The following TSPAN9 variants were observed in gnomAD, a reference collection of about 807,000 sequenced individuals.
TSPAN9 encodes the protein tetraspanin 9.
Under a neutral mutation model 31.0 loss-of-function variants are expected in TSPAN9, and 16 were observed. The ratio of observed to expected loss-of-function variants is 0.52; its 90% CI spans 0.35 to 0.78. TSPAN9 has a LOEUF of 0.78. Among genes scored for constraint, TSPAN9 ranks in the 30% least tolerant of loss-of-function variants. The probability of loss-of-function intolerance (pLI) is 0.01; values close to 1 mark genes in which losing one functional copy is unlikely to be tolerated. For missense variants in TSPAN9, 272 were observed against 312.5 expected (o/e 0.87, Z 0.98); for synonymous variants, 145 against 121.6 (o/e 1.19, Z -1.27).
At chr12:3,275,826 C>G (rs1277628267) in intron 3 of TSPAN9, among the ~76,000 whole-genome samples, 3 of 152,140 alleles carry the variant, frequency 2.0e-5, no homozygotes, top group Admixed American at 2.0e-4. Flanking sequence ...GTAAATCATT[C>G]GGACCCCCCT....
intron 2 of TSPAN9, among the ~76,000 whole-genome samples, chr12:3,124,036 G>A (rs748162628): frequency 2.0e-5 from 3 of 152,188 alleles, no homozygotes; most frequent in Non-Finnish European, 4.4e-5. Context: ...TGTGGTTGGT[G>A]CTAGCAGTGG....
chr12:3,098,732 T>G (rs1258251252), intron 2 of TSPAN9, among the ~76,000 whole-genome samples: 1 of 151,930 alleles, frequency 6.6e-6, no homozygotes, highest in Admixed American at 6.6e-5. Context: ...GGATATGGCA[T>G]TGTTTTTTTT....
At chr12:3,221,306 C>CAACAGTTT (rs1238352673) in intron 3 of TSPAN9, among the ~76,000 whole-genome samples, 1 of 151,232 alleles carries the variant, frequency 6.6e-6, no homozygotes, top group Non-Finnish European at 1.5e-5. Flanking sequence ...CAACATATTA[C>CAACAGTTT]AACAGTTTAT....
chr12:3,254,320 G>C (rs586841), intron 3 of TSPAN9, among the ~76,000 whole-genome samples: 59,336 of 151,970 alleles, frequency 0.39, 11,889 homozygotes, highest in East Asian at 0.59. Flanking sequence ...CTCATCCCTG[G>C]CCCCTGCCCC....
At chr12:3,078,109 C>T (rs987034440) in intron 1 of TSPAN9, among the ~76,000 whole-genome samples, 2 of 152,194 alleles carry the variant, frequency 1.3e-5, no homozygotes, top group African/African-American at 2.4e-5. Flanking sequence ...TGGATCTCCT[C>T]CCTCTTTGAA....
intron 2 of TSPAN9, among the ~76,000 whole-genome samples, chr12:3,105,726 G>T (rs1304464473): frequency 6.8e-6 from 1 of 147,302 alleles, no homozygotes; most frequent in African/African-American, 2.4e-5. Flanking sequence ...TGCTTTGTGT[G>T]CACGCGCGTG....
intron 3 of TSPAN9, among the ~76,000 whole-genome samples, chr12:3,227,665 G>C (rs541418063): frequency 7.6e-4 from 115 of 152,254 alleles, no homozygotes; most frequent in African/African-American, 2.7e-3. Flanking sequence ...CTTCTCACAC[G>C]GACTCACACT....
chr12:3,232,344 G>T (rs10848835), intron 3 of TSPAN9, among the ~76,000 whole-genome samples: 1 of 151,728 alleles, frequency 6.6e-6, no homozygotes. Context: ...TATGAAACCA[G>T]TTTAATTTTT....
chr12:3,200,788 G>GCC (rs2098371085), intron 2 of TSPAN9: 1 of 158,418 alleles, frequency 6.3e-6, no homozygotes, highest in African/African-American at 2.4e-5. Context: ...CCGCGAGTGA[G>GCC]CCCCTGTGCA....
intron 3 of TSPAN9, among the ~76,000 whole-genome samples, chr12:3,247,032 A>T (rs1029468912): frequency 6.6e-6 from 1 of 152,072 alleles, no homozygotes; most frequent in Non-Finnish European, 1.5e-5. Context: ...GGTGGAAGGG[A>T]GGGTGCCTGT....
intron 2 of TSPAN9, among the ~76,000 whole-genome samples, chr12:3,180,885 G>A (rs930830513): frequency 8.5e-5 from 13 of 152,262 alleles, no homozygotes; most frequent in African/African-American, 3.1e-4. Context: ...GTGAATCCAC[G>A]AAGTTATTCT....
At chr12:3,276,487 C>G (rs974345929) in intron 3 of TSPAN9, among the ~76,000 whole-genome samples, 3 of 152,314 alleles carry the variant, frequency 2.0e-5, no homozygotes, top group African/African-American at 7.2e-5. Flanking sequence ...CTTCCCACTC[C>G]GGGGCTTTTG....
At chr12:3,205,505 A>G (rs946166759) in intron 3 of TSPAN9, among the ~76,000 whole-genome samples, 4 of 152,136 alleles carry the variant, frequency 2.6e-5, no homozygotes, top group Non-Finnish European at 5.9e-5. Flanking sequence ...CCATGTCACG[A>G]GTGCCTCTGT....
chr12:3,102,359 C>T (rs1199437043), intron 2 of TSPAN9, among the ~76,000 whole-genome samples: 1 of 151,886 alleles, frequency 6.6e-6, no homozygotes, highest in Non-Finnish European at 1.5e-5. Context: ...AACTCCTGGC[C>T]TGAAGTGATC....
At chr12:3,184,753 G>C (rs2098360294) in intron 2 of TSPAN9, among the ~76,000 whole-genome samples, 1 of 152,074 alleles carries the variant, frequency 6.6e-6, no homozygotes, top group Non-Finnish European at 1.5e-5. Context: ...TTGGGGATGG[G>C]AATAGCTTGC....
At chr12:3,269,410 C>T (rs1862624169) in intron 3 of TSPAN9, among the ~76,000 whole-genome samples, 1 of 122,868 alleles carries the variant, frequency 8.1e-6, no homozygotes, top group Non-Finnish European at 1.7e-5. Flanking sequence ...AGCCTGCCCT[C>T]CCTGTGTTCC....
In TSPAN9 at chr12:3,136,843, T is replaced by TG. The variant is rs146447215; in HGVS notation, c.-18+53130dup. Reference sequence around the variant, plus strand: ...TGTACCCCTCAGCTGGAGGCAGGGGTGGGGGGCACATTGGCTGGGGACCCC... The same window carrying TG: ...TGTACCCCTCAGCTGGAGGCAGGGGTGGGGGGGCACATTGGCTGGGGACCCC... On this transcript the variant is annotated intron_variant, in intron 2 of 8. Transcript: ENST00000011898. Among the ~76,000 whole-genome samples, 1,189 of 152,014 alleles carry TG rather than the reference T, an allele frequency of 7.8e-3. 12 individuals carry two copies. The highest frequency in any genetic ancestry group is 0.05 in the East Asian group (259 of 5,146).
At chr12:3,165,983 G>T (rs926482257) in intron 2 of TSPAN9, among the ~76,000 whole-genome samples, 24 of 152,250 alleles carry the variant, frequency 1.6e-4, no homozygotes, top group African/African-American at 5.3e-4. Flanking sequence ...GAACTCGTCG[G>T]TCTAACAGGG....
At chr12:3,174,628 G>C (rs558797145) in intron 2 of TSPAN9, among the ~76,000 whole-genome samples, 1 of 152,202 alleles carries the variant, frequency 6.6e-6, no homozygotes, top group Admixed American at 6.5e-5. Context: ...TGTCGCCCAG[G>C]CTGGAGGGCA....
Sources: gnomAD v4.1 joint callset for allele counts (sites outside exome capture counted in the v4.1 genomes callset) on GRCh38, gnomAD v4.1.1 for gene constraint, MANE v1.5 for transcripts, NCBI Gene and HGNC (gene_info 2026-07-23, HGNC 2026-07-21) for gene names.